Variants in ARHGEF3 observed in about 807,000 individuals in gnomAD.
ARHGEF3 encodes 59.8 kDA protein.
In ARHGEF3, 28 loss-of-function variants were observed where a neutral mutation model predicts 63.2. The observed-to-expected ratio is 0.44, with a 90% CI of 0.33 to 0.61. The LOEUF (loss-of-function observed/expected upper bound fraction) is 0.61. Ranked by LOEUF, ARHGEF3 falls within the 20% of genes least tolerant of loss-of-function variation. ARHGEF3 has a pLI of 0.03. For missense variants in ARHGEF3, 533 were observed against 659.3 expected (o/e 0.81, Z 2.10); for synonymous variants, 266 against 254.2 (o/e 1.05, Z -0.44).
At position 57,027,555 on chromosome 3, in the gene ARHGEF3, G is replaced by A. The variant is rs568386432; in HGVS notation, c.62+7533C>T. Among the ~76,000 whole-genome samples, 147 of 152,144 alleles carry A rather than the reference G, an allele frequency of 9.7e-4. 1 individual carries two copies. Among genetic ancestry groups the A allele is most frequent in the Non-Finnish European group, 3.2e-4 (22 of 68,020 alleles). On this transcript the variant is annotated intron_variant, in intron 2 of 12. Coordinates refer to the ARHGEF3 transcript ENST00000338458. Reference sequence around the variant, plus strand: ...AAGGCTGAGAGCTTTCTCTGGGAGCGTCAAAGGTGCAGGTTTAGGCTGGGC... The same window carrying A: ...AAGGCTGAGAGCTTTCTCTGGGAGCATCAAAGGTGCAGGTTTAGGCTGGGC...
intron 3 of ARHGEF3, 45 bp downstream of exon 3, chr3:56,754,936 C>G: frequency 6.2e-7 from 1 of 1,612,534 alleles, no homozygotes; most frequent in Non-Finnish European, 8.5e-7. Flanking sequence ...CTGCAATGCA[C>G]CTTTGTTCCA....
At chr3:57,040,879 C>T (rs915767645) in intron 1 of ARHGEF3, among the ~76,000 whole-genome samples, 1 of 131,800 alleles carries the variant, frequency 7.6e-6, no homozygotes, top group African/African-American at 2.9e-5. Context: ...CTGACAGTGC[C>T]CTGCTGCTGC....
intron 1 of ARHGEF3, chr3:57,079,020 C>T (rs1037842315): frequency 2.4e-5 from 8 of 339,288 alleles, no homozygotes; most frequent in African/African-American, 1.7e-4. Context: ...CCAGGGAGCG[C>T]TCAGGGCCCG....
At chr3:56,970,545 C>T (rs549027254) in intron 2 of ARHGEF3, among the ~76,000 whole-genome samples, 4 of 152,314 alleles carry the variant, frequency 2.6e-5, no homozygotes, top group African/African-American at 9.6e-5. Flanking sequence ...CCCACACCTT[C>T]TGGCTTTCTG....
intron 4 of ARHGEF3, among the ~76,000 whole-genome samples, chr3:56,860,256 C>A (rs2040028909): frequency 2.0e-5 from 3 of 152,070 alleles, no homozygotes; most frequent in Admixed American, 2.0e-4. Context: ...TGGCTCACTG[C>A]AGCCTCAAAT....
chr3:56,783,368 G>A (rs140345120), intron 1 of ARHGEF3, among the ~76,000 whole-genome samples: 167 of 152,282 alleles, frequency 1.1e-3, no homozygotes, highest in African/African-American at 3.9e-3. Flanking sequence ...GGCGGCAAGC[G>A]AGATGGATTT....
At chr3:56,731,008 T>C (rs28651361) in intron 9 of ARHGEF3, among the ~76,000 whole-genome samples, 26,482 of 152,196 alleles carry the variant, frequency 0.17, 2,473 homozygotes, top group South Asian at 0.39. Flanking sequence ...ACCTACTTTA[T>C]ATGGTTGTTA....
At chr3:56,764,206 A>C (rs1252038622) in intron 2 of ARHGEF3, among the ~76,000 whole-genome samples, 6 of 152,204 alleles carry the variant, frequency 3.9e-5, no homozygotes, top group Non-Finnish European at 8.8e-5. Flanking sequence ...TTAGGTGTAG[A>C]GAAAATATTA....
intron 1 of ARHGEF3, among the ~76,000 whole-genome samples, chr3:57,050,783 T>C (rs536415380): frequency 6.6e-6 from 1 of 152,312 alleles, no homozygotes; most frequent in African/African-American, 2.4e-5. Flanking sequence ...ACTTCACACA[T>C]ACAGTATTGA....
chr3:56,796,531 C>T (rs1355843666), intron 1 of ARHGEF3, among the ~76,000 whole-genome samples: 1 of 152,222 alleles, frequency 6.6e-6, no homozygotes, highest in Non-Finnish European at 1.5e-5. Context: ...TTGCAAATCC[C>T]ACTCCCGTGG....
intron 2 of ARHGEF3, among the ~76,000 whole-genome samples, chr3:56,767,509 G>A (rs1213049881): frequency 2.0e-5 from 3 of 149,546 alleles, no homozygotes; most frequent in Middle Eastern, 3.2e-3. Flanking sequence ...GCTTGAACCC[G>A]GGAGGCAGAG....
rs1560155857 is a variant in ARHGEF3 at position 57,042,667 on chromosome 3, TA to T, written c.-27-7492del. Among the ~76,000 whole-genome samples, 109 of 12,798 alleles carry T rather than the reference TA, an allele frequency of 8.5e-3. 4 individuals are homozygous for T. Among genetic ancestry groups the T allele is most frequent in the African/African-American group, 0.04 (96 of 2,376 alleles). The allele number at this position is 12,798 out of a possible 152,430, so 8.4% of individuals were successfully genotyped here. ...ATGTACATAAATATATATATATATATATATATATATATATATATATATATAT... is the reference window on the plus strand; with the variant it reads ...ATGTACATAAATATATATATATATATTATATATATATATATATATATATAT... On this transcript the variant is annotated intron_variant, in intron 1 of 12. Transcript: ENST00000338458.
At chr3:57,065,840 T>G (rs60580688) in intron 1 of ARHGEF3, among the ~76,000 whole-genome samples, 8,417 of 152,176 alleles carry the variant, frequency 0.055, 791 homozygotes, top group African/African-American at 0.19. Context: ...TACAGCTAGA[T>G]CTACGGAGCA....
At chr3:56,878,975 T>C (rs2040682095) in intron 4 of ARHGEF3, among the ~76,000 whole-genome samples, 1 of 152,232 alleles carries the variant, frequency 6.6e-6, no homozygotes, top group Admixed American at 6.5e-5. Context: ...CACCCTATTG[T>C]GAACTGCACA....
In ARHGEF3 at chr3:56,728,476, T is replaced by C. The variant is rs1325143829; in HGVS notation, c.*794A>G. 1.3e-5 allele frequency: 2 copies of C among 152,650 alleles called. No homozygotes were observed. The highest frequency in any genetic ancestry group is 4.8e-5 in the African/African-American group (2 of 41,462). The allele number at this position is 152,650 out of a possible 1,614,324, so 9.5% of individuals were successfully genotyped here. On this transcript the variant is annotated 3_prime_UTR_variant, in exon 10 of 10. Transcript: ENST00000296315. ...CAATGAATACAGGGCCTTCTTGTTA[T>C]CCTGGCAGGCCTTCCTAAGCCCTTT...
intron 1 of ARHGEF3, among the ~76,000 whole-genome samples, chr3:56,797,707 C>T (rs2037443815): frequency 6.6e-6 from 1 of 152,202 alleles, no homozygotes; most frequent in Non-Finnish European, 1.5e-5. Context: ...CTGATAGAGG[C>T]ATAAATCGTG....
intron 6 of ARHGEF3, among the ~76,000 whole-genome samples, chr3:56,749,737 T>C (rs1005772351): frequency 1.1e-4 from 16 of 152,228 alleles, no homozygotes; most frequent in African/African-American, 3.9e-4. Flanking sequence ...GCATATTTTC[T>C]AAATTATTCA....
At chr3:56,870,460 G>A (rs1407892288) in intron 4 of ARHGEF3, among the ~76,000 whole-genome samples, 1 of 152,190 alleles carries the variant, frequency 6.6e-6, no homozygotes, top group Non-Finnish European at 1.5e-5. Context: ...ATTGCCAGAG[G>A]TTAGTGAAGA....
intron 2 of ARHGEF3, among the ~76,000 whole-genome samples, chr3:56,756,970 G>A (rs1480188117): frequency 1.3e-5 from 2 of 152,094 alleles, no homozygotes; most frequent in African/African-American, 2.4e-5. Flanking sequence ...TTCTGATATA[G>A]CAATGATCAT....
Sources: gnomAD v4.1 joint callset for allele counts (sites outside exome capture counted in the v4.1 genomes callset) on GRCh38, gnomAD v4.1.1 for gene constraint, MANE v1.5 for transcripts, NCBI Gene and HGNC (gene_info 2026-07-23, HGNC 2026-07-21) for gene names.